Variants in SORL1 observed in about 807,000 individuals in gnomAD.
SORL1 encodes sortilin related receptor 1, also known as sortilin-related receptor.
SORL1 carries 127 observed loss-of-function variants against 273.7 expected under a neutral mutation model. The observed-to-expected ratio is 0.46, with a 90% CI of 0.40 to 0.54. The LOEUF (loss-of-function observed/expected upper bound fraction) is 0.54, where lower values mean the gene tolerates loss of function less well. Ranked by LOEUF, SORL1 falls within the 20% of genes least tolerant of loss-of-function variation. SORL1 has a pLI of 0.00. For missense variants in SORL1, 2,494 were observed against 2,846.1 expected (o/e 0.88, Z 2.81); for synonymous variants, 1,031 against 1,067.4 (o/e 0.97, Z 0.66).
chr11:121,549,919 T>G, intron 14 of SORL1, 41 bp from the exon 15 acceptor site: 1 of 1,605,026 alleles, frequency 6.2e-7, no homozygotes, highest in Non-Finnish European at 8.5e-7. Context: ...GCCTGAAATG[T>G]ATAAAACCGT....
intron 25 of SORL1, among the ~76,000 whole-genome samples, chr11:121,578,605 A>G (rs532860806): frequency 2.6e-5 from 4 of 152,334 alleles, no homozygotes; most frequent in African/African-American, 9.6e-5. Context: ...TGTCCAGCAC[A>G]TAATAGAGTA....
chr11:121,527,381 CA>C (rs1442495768), intron 11 of SORL1, among the ~76,000 whole-genome samples: 3 of 151,960 alleles, frequency 2.0e-5, no homozygotes, highest in Admixed American at 6.6e-5. Flanking sequence ...TTTTTATGTG[CA>C]GCTAGGTTTG....
At chr11:121,559,440 TG>T in intron 20 of SORL1, 78 bp from the exon 21 acceptor site, 3 of 1,437,550 alleles carry the variant, frequency 2.1e-6, no homozygotes, top group Non-Finnish European at 2.8e-6. Flanking sequence ...GTCTCCTGCC[TG>T]GGGGAACTCT....
intron 1 of SORL1, among the ~76,000 whole-genome samples, chr11:121,466,219 T>C (rs1266037119): frequency 1.3e-5 from 2 of 151,834 alleles, no homozygotes; most frequent in African/African-American, 2.4e-5. Context: ...CACCCCGGGG[T>C]TGTGGTTATA....
chr11:121,598,409 G>C (rs1000287299), intron 32 of SORL1, among the ~76,000 whole-genome samples: 1 of 152,172 alleles, frequency 6.6e-6, no homozygotes, highest in Non-Finnish European at 1.5e-5. Context: ...CCAGCTATGT[G>C]GGGGTTACTG....
At chr11:121,530,285 C>A (rs1181424595) in intron 11 of SORL1, among the ~76,000 whole-genome samples, 1 of 152,198 alleles carries the variant, frequency 6.6e-6, no homozygotes, top group Non-Finnish European at 1.5e-5. Flanking sequence ...TGGGAAATTT[C>A]CCTATAGCCT....
At chr11:121,544,853 C>T (rs771858014) in intron 13 of SORL1, among the ~76,000 whole-genome samples, 2 of 152,186 alleles carry the variant, frequency 1.3e-5, no homozygotes, top group Non-Finnish European at 2.9e-5. Flanking sequence ...CCCTCACTGC[C>T]TGAGGAAGCA....
chr11:121,625,308 T>G, intron 46 of SORL1, 31 bp downstream of exon 46: 1 of 1,569,032 alleles, frequency 6.4e-7, no homozygotes, highest in East Asian at 2.3e-5. Context: ...GTTTCTGTCT[T>G]CAGTTCTAGG....
At chr11:121,487,169 T>C (rs180745953) in intron 3 of SORL1, among the ~76,000 whole-genome samples, 2 of 152,342 alleles carry the variant, frequency 1.3e-5, no homozygotes, top group East Asian at 3.9e-4. Flanking sequence ...TCAGCCTCAC[T>C]TTCTCTTGAC....
intron 6 of SORL1, among the ~76,000 whole-genome samples, chr11:121,509,072 G>T (rs1861833573): frequency 6.6e-6 from 1 of 150,674 alleles, no homozygotes; most frequent in African/African-American, 2.4e-5. Context: ...TTTTCCCCCT[G>T]GAATATCCCA....
intron 11 of SORL1, 89 bp from the exon 12 acceptor site, chr11:121,532,375 A>T: frequency 8.9e-7 from 1 of 1,126,436 alleles, no homozygotes; most frequent in East Asian, 2.4e-5. Flanking sequence ...GTCTATGTGC[A>T]CGTGTGTGCA....
intron 6 of SORL1, among the ~76,000 whole-genome samples, chr11:121,502,039 T>A (rs951467626): frequency 1.3e-5 from 2 of 152,086 alleles, no homozygotes; most frequent in Non-Finnish European, 2.9e-5. Context: ...GCTGTGAATG[T>A]TCGTGTGCAC....
At chr11:121,504,905 T>C (rs1861764732) in intron 6 of SORL1, among the ~76,000 whole-genome samples, 1 of 152,154 alleles carries the variant, frequency 6.6e-6, no homozygotes, top group African/African-American at 2.4e-5. Flanking sequence ...CATGAAAAAA[T>C]CTGGGATTTT....
chr11:121,476,741 CCCTTCCCTCCCTCCCA>C (rs1861274329), intron 2 of SORL1, among the ~76,000 whole-genome samples: 1 of 119,388 alleles, frequency 8.4e-6, no homozygotes, highest in Non-Finnish European at 1.8e-5. Flanking sequence ...TCCCTCCCTT[CCCTTCCCTCCCTCCCA>C]CGCTTCCTCC....
In SORL1 at chr11:121,589,276, C is replaced by A. The variant is rs778522691; in HGVS notation, c.3964C>A (p.His1322Asn). ...CTCTGTAGCCCAAGATCCTGAGTTC[C>A]ACAAGGTATGTGATGAGTTCGGTTT... ...FAGCSQDPEFHKVCDEFGFQC... is the reference protein window; with the variant it reads ...FAGCSQDPEFNKVCDEFGFQC... The change falls in exon 29 of 48, where the codon CAC becomes AAC. Residue 1322 changes from histidine to asparagine, a missense_variant. His to Asn is a moderately conservative substitution (Grantham distance 68, BLOSUM62 1). Transcript: ENST00000260197. 7.0e-5 allele frequency: 113 copies of A among 1,613,266 alleles called. No individual in the cohort carries two copies. The highest frequency in any genetic ancestry group is 9.2e-5 in the Non-Finnish European group (108 of 1,179,368).
intron 21 of SORL1, among the ~76,000 whole-genome samples, chr11:121,564,459 T>G (rs1862724385): frequency 6.6e-6 from 1 of 152,214 alleles, no homozygotes; most frequent in African/African-American, 2.4e-5. Context: ...TCTTCTTGCT[T>G]GTTTGGATAG....
At position 121,587,978 on chromosome 11, in the gene SORL1, C is replaced by T. The variant is rs200243159; in HGVS notation, c.3815-42C>T. 1.1e-5 allele frequency: 18 copies of T among 1,607,894 alleles called. No individual in the cohort carries two copies. In the East Asian group the frequency reaches 3.1e-4, roughly 28 times the overall value. Reference sequence around the variant, plus strand: ...CCCAGGGCTAGAGGGCCCAGCCAGCCGCAGTGCTCATGGCCTCTTCCCTTC... The same window carrying T: ...CCCAGGGCTAGAGGGCCCAGCCAGCTGCAGTGCTCATGGCCTCTTCCCTTC... On this transcript the variant is annotated intron_variant, in intron 27 of 47. Transcript: ENST00000260197.
intron 23 of SORL1, among the ~76,000 whole-genome samples, chr11:121,573,062 G>A (rs1862870658): frequency 6.6e-6 from 1 of 152,278 alleles, no homozygotes; most frequent in South Asian, 2.1e-4. Flanking sequence ...GGTGTTTCAC[G>A]GGGTGCCAGG....
chr11:121,545,029 C>T (rs1049684876), intron 13 of SORL1, among the ~76,000 whole-genome samples: 1 of 152,186 alleles, frequency 6.6e-6, no homozygotes, highest in African/African-American at 2.4e-5. Context: ...TGCTTCTTTC[C>T]AACTTTTCCA....
Sources: gnomAD v4.1 joint callset for allele counts (sites outside exome capture counted in the v4.1 genomes callset) on GRCh38, gnomAD v4.1.1 for gene constraint, MANE v1.5 for transcripts, NCBI Gene and HGNC (gene_info 2026-07-23, HGNC 2026-07-21) for gene names.